The following SLC16A5 variants were observed in gnomAD, a reference collection of about 807,000 sequenced individuals.
SLC16A5 encodes the protein solute carrier family 16 member 5, also known as monocarboxylate transporter 6.
In SLC16A5, 29 loss-of-function variants were observed where a neutral mutation model predicts 33.2. That is an observed-to-expected ratio of 0.87 (90% CI 0.65 to 1.19). The LOEUF (loss-of-function observed/expected upper bound fraction) is 1.19, where lower values mean the gene tolerates loss of function less well. SLC16A5 is among the 50% of genes most tolerant of loss of function. The pLI is 0.00. For synonymous variants in SLC16A5, 248 were observed against 284.1 expected (o/e 0.87, Z 1.28); for missense variants, 606 against 678.2 (o/e 0.89, Z 1.18).
chr17:75,101,179 G>T (rs550150529), intron 5 of SLC16A5, among the ~76,000 whole-genome samples: 1 of 151,860 alleles, frequency 6.6e-6, no homozygotes, highest in South Asian at 2.1e-4. Context: ...AACACAGGAG[G>T]CAGAGCTTGC....
At chr17:75,096,244 G>A (rs1451737176) in intron 3 of SLC16A5, among the ~76,000 whole-genome samples, 2 of 151,850 alleles carry the variant, frequency 1.3e-5, no homozygotes, top group Non-Finnish European at 2.9e-5. Context: ...CAAGGCTGAA[G>A]AGTGAGTTCA....
intron 2 of SLC16A5, chr17:75,090,121 T>G (rs562751447): frequency 1.3e-5 from 2 of 152,080 alleles, no homozygotes; most frequent in East Asian, 3.9e-4. Context: ...GCCTAGTTTT[T>G]TATTTGTAGT....
At chr17:75,108,376 G>C (rs553941588), downstream of SLC16A5, among the ~76,000 whole-genome samples, 31 of 152,282 alleles carry the variant, frequency 2.0e-4, no homozygotes, top group Non-Finnish European at 4.1e-4. Flanking sequence ...CTTTGGTGAG[G>C]GTCCTGGGGC....
chr17:75,094,565 A>G (rs1246670288), intron 3 of SLC16A5, among the ~76,000 whole-genome samples: 2 of 152,026 alleles, frequency 1.3e-5, no homozygotes, highest in African/African-American at 2.4e-5. Context: ...GGGTGCCTGT[A>G]ATCCCAGCTA....
intron 5 of SLC16A5, among the ~76,000 whole-genome samples, chr17:75,102,512 G>A (rs1401445035): frequency 6.6e-6 from 1 of 151,860 alleles, no homozygotes; most frequent in Non-Finnish European, 1.5e-5. Flanking sequence ...GATTTATGAT[G>A]CGAGGGAAAC....
intron 2 of SLC16A5, among the ~76,000 whole-genome samples, chr17:75,090,534 C>A (rs2073624416): frequency 6.6e-6 from 1 of 150,648 alleles, no homozygotes; most frequent in African/African-American, 2.4e-5. Flanking sequence ...GATCTTGGCT[C>A]ACCATAACCT....
At position 75,104,165 on chromosome 17, in the gene SLC16A5, G is replaced by A. The variant is rs755599444; in HGVS notation, c.1349G>A (p.Arg450Gln). The A allele has an allele frequency of 1.5e-5, 24 of 1,613,900 alleles. No individual in the cohort carries two copies. Among genetic ancestry groups the A allele is most frequent in the African/African-American group, 2.7e-5 (2 of 74,896 alleles). ...LEAKDGPGKQRSPEIMCQSSR... is the reference protein window; with the variant it reads ...LEAKDGPGKQQSPEIMCQSSR... Reference sequence around the variant, plus strand: ...GCCAAAGACGGTCCTGGGAAGCAACGGTCCCCTGAGATCATGTATGTAACC... The same window carrying A: ...GCCAAAGACGGTCCTGGGAAGCAACAGTCCCCTGAGATCATGTATGTAACC... The change falls in exon 6 of 7, where the codon CGG (arginine) becomes CAG (glutamine). Residue 450 changes from arginine to glutamine, a missense_variant. Physicochemically the swap from Arg to Gln is conservative, Grantham distance 43. Transcript: ENST00000329783.
Position 75,098,095 on chromosome 17 carries a change from G to A in SLC16A5, c.257G>A (p.Gly86Glu), listed in dbSNP as rs1178723855. ...GGCTGCCGAGTGACCGTGATGCTGG[G>A]GGGCGTGCTGGCCAGCCTGGGCATG... The part of the protein sequence containing the change: ...RFGCRVTVML[G>E]GVLASLGMVA... The change falls in exon 4 of 7, where the codon GGG (glycine) becomes GAG (glutamate). Residue 86 changes from glycine (G) to glutamate (E), a missense_variant. Coordinates refer to ENST00000329783, the MANE Select transcript of SLC16A5 (RefSeq NM_004695.4). 1.9e-6 allele frequency: 3 copies of A among 1,610,210 alleles called. No individual in the cohort carries two copies. The highest frequency in any genetic ancestry group is 2.5e-6 in the Non-Finnish European group (3 of 1,178,546).
Position 75,102,557 on chromosome 17 carries a change from C to G in SLC16A5, c.1154-1413C>G, listed in dbSNP as rs1014436175. On this transcript the variant is annotated intron_variant, in intron 5 of 6. Transcript: ENST00000329783. Reference sequence around the variant, plus strand: ...AAGTAGAGGTGCACGTGAGAGGCAGCTGAGAGTGTGAGATTCTGAGCAAAT... The same window carrying G: ...AAGTAGAGGTGCACGTGAGAGGCAGGTGAGAGTGTGAGATTCTGAGCAAAT... Among the ~76,000 whole-genome samples, 12 of 146,884 alleles carry G rather than the reference C, an allele frequency of 8.2e-5. No individual in the cohort carries two copies. The East Asian group carries it at 1.9e-3, about 24-fold the overall frequency.
rs114167777 is a variant in SLC16A5, at chr17:75,102,061, T to C, written c.1153+1245T>C. Among the ~76,000 whole-genome samples, 667 of 152,300 alleles carry C rather than the reference T, an allele frequency of 4.4e-3. 6 individuals are homozygous for C. Among genetic ancestry groups the C allele is most frequent in the African/African-American group, 0.015 (628 of 41,562 alleles). On this transcript the variant is annotated intron_variant, in intron 5 of 6. Coordinates refer to ENST00000329783, the MANE Select transcript of SLC16A5 (RefSeq NM_004695.4). ...CCTGTAATGATCATCCCAGTTCTCC[T>C]GCTTCCTGCCTGTGGGACCCAGGCA... is the stretch of plus-strand genomic sequence containing the variant.
intron 4 of SLC16A5, among the ~76,000 whole-genome samples, chr17:75,099,190 T>C (rs1370719223): frequency 6.6e-6 from 1 of 152,078 alleles, no homozygotes; most frequent in African/African-American, 2.4e-5. Flanking sequence ...GAACAGCAGC[T>C]ACAAATAACC....
At chr17:75,109,077 GACC>G (rs1351427611), downstream of SLC16A5, among the ~76,000 whole-genome samples, 7 of 152,290 alleles carry the variant, frequency 4.6e-5, no homozygotes, top group East Asian at 1.2e-3. The surrounding 1 kb of genome is among the most constrained non-coding windows in gnomAD (Gnocchi z 5.0). Flanking sequence ...AGTGTGGCTA[GACC>G]ACCTCCTTCC....
At chr17:75,104,678 G>T in intron 6 of SLC16A5, 1 of 783,096 alleles carries the variant, frequency 1.3e-6, no homozygotes, top group South Asian at 5.8e-5. Context: ...TCCAACTTCC[G>T]ACCTCAGGTG....
chr17:75,087,824 C>G (rs1031536291), upstream of SLC16A5: 1 of 152,624 alleles, frequency 6.6e-6, no homozygotes, highest in Non-Finnish European at 1.5e-5. Context: ...CTGGACTGTC[C>G]CCGGCCACGC....
At position 75,096,006 on chromosome 17, in the gene SLC16A5, T is replaced by C. The variant is rs553638396; in HGVS notation, c.200-2032T>C. On this transcript the variant is annotated intron_variant, in intron 3 of 6. Transcript: ENST00000329783. ...TTTTTGTAGAGACGGGGTCTCACTATGTTGCTCAGGCTGGTCTCAAACTCC... is the reference window on the plus strand; with the variant it reads ...TTTTTGTAGAGACGGGGTCTCACTACGTTGCTCAGGCTGGTCTCAAACTCC... Among the ~76,000 whole-genome samples, 5 of 151,880 alleles carry C rather than the reference T, an allele frequency of 3.3e-5. No homozygotes were observed. The East Asian group carries it at 7.7e-4, about 23-fold the overall frequency.
At chr17:75,094,142 C>T (rs2073684029) in intron 3 of SLC16A5, among the ~76,000 whole-genome samples, 1 of 152,212 alleles carries the variant, frequency 6.6e-6, no homozygotes, top group African/African-American at 2.4e-5. Flanking sequence ...GGGAAGAGCG[C>T]TGGGGCCAGC....
At chr17:75,091,558 A>G (rs2073638073) in intron 2 of SLC16A5, among the ~76,000 whole-genome samples, 1 of 152,072 alleles carries the variant, frequency 6.6e-6, no homozygotes, top group Non-Finnish European at 1.5e-5. Flanking sequence ...AGGGCGGAGG[A>G]TTGGAGACAG....
At position 75,096,532 on chromosome 17, in the gene SLC16A5, CTTTTTTTTT is replaced by C. The variant is rs371484359; in HGVS notation, c.200-1500_200-1492del. On this transcript the variant is annotated intron_variant, in intron 3 of 6. Transcript: ENST00000329783. Reference sequence around the variant, plus strand: ...CACTTAGTCTGTCACTTGCTTTTTTCTTTTTTTTTTTTTTCGGAGATGGAGCCTCCCTCT... The same window carrying C: ...CACTTAGTCTGTCACTTGCTTTTTTCTTTTTCGGAGATGGAGCCTCCCTCT... Among the ~76,000 whole-genome samples, 7 of 140,690 alleles carry C rather than the reference CTTTTTTTTT, an allele frequency of 5.0e-5. 1 individual carries two copies. The highest frequency in any genetic ancestry group is 1.8e-4 in the African/African-American group (7 of 37,990). 92.3% of individuals were successfully genotyped at this position (140,690 alleles called of 152,430 possible).
At position 75,100,072 on chromosome 17, in the gene SLC16A5, C is replaced by T. The variant is rs766347239; in HGVS notation, c.409C>T (p.Arg137Trp). 10 of 1,613,682 alleles carry T rather than the reference C, an allele frequency of 6.2e-6. No individual in the cohort carries two copies. The highest frequency in any genetic ancestry group is 2.2e-5 in the East Asian group (1 of 44,884). Residue 137 changes from arginine to tryptophan, a missense_variant, in exon 5 of 7, where the codon CGG becomes TGG. Coordinates refer to ENST00000329783, the MANE Select transcript of SLC16A5 (RefSeq NM_004695.4). ...GCTGGGCTTCTACTTTGTCCGCCGG[C>T]GGGTGCTGGCCAACGCGCTGGCCTC... ...TVLGFYFVRR[R>W]VLANALASMG...
Sources: allele counts gnomAD v4.1 joint callset (sites outside exome capture counted in the v4.1 genomes callset), GRCh38; gene constraint gnomAD v4.1.1; non-coding constraint Gnocchi (gnomAD v3.1); transcripts MANE v1.5; gene names NCBI Gene and HGNC (gene_info 2026-07-23, HGNC 2026-07-21).